Variants in VPS26B observed in about 807,000 individuals in gnomAD.
The protein encoded by VPS26B is vacuolar protein sorting-associated protein 26B.
VPS26B carries 10 observed loss-of-function variants against 33.3 expected under a neutral mutation model. That is an observed-to-expected ratio of 0.30 (90% CI 0.19 to 0.51). The LOEUF is 0.51. Ranked by LOEUF, VPS26B falls within the 20% of genes least tolerant of loss-of-function variation. The pLI, the probability that VPS26B is intolerant of heterozygous loss-of-function variation, is 0.98. For missense variants in VPS26B, 317 were observed against 452.7 expected, an observed-to-expected ratio of 0.70 and a Z score of 2.72; for synonymous variants, 190 against 176.9, an observed-to-expected ratio of 1.07 and a Z score of -0.59.
chr11:134,226,063 G>A (rs1938461384), intron 1 of VPS26B, among the ~76,000 whole-genome samples: 1 of 152,180 alleles, frequency 6.6e-6, no homozygotes, highest in Non-Finnish European at 1.5e-5. Context: ...CCACAATTAA[G>A]TGATCAGAGT....
chr11:134,246,613 G>A lies in VPS26B; in HGVS notation c.*1023G>A, dbSNP rs1380666130. The A allele has an allele frequency of 6.6e-6, 1 of 152,286 alleles. No individual in the cohort carries two copies. Among genetic ancestry groups the A allele is most frequent in the Non-Finnish European group, 1.5e-5 (1 of 68,026 alleles). 9.4% of individuals were successfully genotyped at this position (152,286 alleles called of 1,614,324 possible). On this transcript the variant is annotated 3_prime_UTR_variant, in exon 6 of 6. Coordinates refer to ENST00000281187, the MANE Select transcript of VPS26B (RefSeq NM_052875.5). ...AGCCCCTTTACCCCTCTCCCTATAG[G>A]TTACACAGGGGAGACCAGGGCCTCG... is the stretch of plus-strand genomic sequence containing the variant.
At position 134,247,650 on chromosome 11, in the gene VPS26B, A is replaced by G. The variant is rs1294652129; in HGVS notation, c.*2060A>G. 8 of 153,126 alleles carry G rather than the reference A, an allele frequency of 5.2e-5. No individual in the cohort carries two copies. The allele number at this position is 153,126 out of a possible 1,614,324, so 9.5% of individuals were successfully genotyped here. On this transcript the variant is annotated 3_prime_UTR_variant, in exon 6 of 6. Transcript: ENST00000281187. ...ACTAAATCAAGCAGTGCAACTTGTAATTAAGCAGCTGCAGTGTTTACATGT... is the reference window on the plus strand; with the variant it reads ...ACTAAATCAAGCAGTGCAACTTGTAGTTAAGCAGCTGCAGTGTTTACATGT...
intron 1 of VPS26B, among the ~76,000 whole-genome samples, chr11:134,231,755 G>T (rs1009866734): frequency 1.3e-5 from 2 of 152,172 alleles, no homozygotes; most frequent in Admixed American, 1.3e-4. Flanking sequence ...AGTAGTGACA[G>T]GGTTTCACCG....
At position 134,245,304 on chromosome 11, in the gene VPS26B, T is replaced by A; in HGVS notation, c.865-140T>A. 1 of 1,357,846 alleles carries A rather than the reference T, an allele frequency of 7.4e-7. No individual in the cohort carries two copies. The highest frequency in any genetic ancestry group is 1.0e-6 in the Non-Finnish European group (1 of 998,096). The allele number at this position is 1,357,846 out of a possible 1,614,324, so 84.1% of individuals were successfully genotyped here. A position where few individuals can be genotyped will look rare whatever the true frequency, so the allele number is the denominator to read the frequency against. On this transcript the variant is annotated intron_variant, in intron 5 of 5. Transcript: ENST00000281187. This position sits in a 1 kb window ranked among gnomAD's most constrained non-coding sequence, Gnocchi z 4.7. ...GCCCACACCAGGGACAGGGAGGTGCTGGCAGCTGCTGCCTTTGGTGAGAGA... is the reference window on the plus strand; with the variant it reads ...GCCCACACCAGGGACAGGGAGGTGCAGGCAGCTGCTGCCTTTGGTGAGAGA...
rs1938783283 is a variant in VPS26B, at chr11:134,244,675, A to G, written c.722-263A>G. 1 of 409,790 alleles carries G rather than the reference A, an allele frequency of 2.4e-6. No homozygotes were observed. Among genetic ancestry groups the G allele is most frequent in the Admixed American group, 4.1e-5 (1 of 24,182 alleles). The allele number at this position is 409,790 out of a possible 1,614,324, so 25.4% of individuals were successfully genotyped here. ...CATGTAATCAAAAGATGCTTATACT[A>G]ATAATGACCTGTGCTGTTCCCACTC... On this transcript the variant is annotated intron_variant, in intron 4 of 5. Transcript: ENST00000281187. The surrounding 1 kb of genome is among the most constrained non-coding windows in gnomAD (Gnocchi z 4.0).
At position 134,225,159 on chromosome 11, in the gene VPS26B, GAA is replaced by G; in HGVS notation, c.39_40del (p.Glu13AspfsTer9). On this transcript the variant is annotated frameshift_variant, in exon 1 of 6. Transcript: ENST00000281187. LOFTEE classifies it high-confidence loss of function. ...FFGFGQSVEV[E>X]ILLNDAESRK... ...CGGCTTCGGGCAGAGCGTGGAGGTG[GAA>G]ATCCTTCTGAACGATGCAGAGAGTA... is the stretch of plus-strand genomic sequence containing the variant. 1 of 1,613,570 alleles carries G rather than the reference GAA, an allele frequency of 6.2e-7. No individual in the cohort carries two copies. The highest frequency in any genetic ancestry group is 8.5e-7 in the Non-Finnish European group (1 of 1,179,578).
chr11:134,239,734 G>A (rs930082140), intron 2 of VPS26B: 7 of 480,314 alleles, frequency 1.5e-5, no homozygotes, highest in Admixed American at 1.0e-4. Context: ...TTCTTGACCC[G>A]GGGGCATGGG....
chr11:134,234,447 T>C (rs1207710682), intron 1 of VPS26B, among the ~76,000 whole-genome samples: 3 of 152,256 alleles, frequency 2.0e-5, no homozygotes, highest in Non-Finnish European at 4.4e-5. Flanking sequence ...TTAAGCATGC[T>C]GTGCCTGGGT....
intron 1 of VPS26B, among the ~76,000 whole-genome samples, chr11:134,226,988 T>G (rs1190936965): frequency 6.6e-6 from 1 of 152,206 alleles, no homozygotes; most frequent in Non-Finnish European, 1.5e-5. Flanking sequence ...GTTCCATGCC[T>G]TCTGCTTTCC....
rs1327205788 is a variant in VPS26B at position 134,247,330 on chromosome 11, C to G, written c.*1740C>G. On this transcript the variant is annotated 3_prime_UTR_variant, in exon 6 of 6. Transcript: ENST00000281187. ...CCTTTTCAGAGCATGAGGTCAGGCT[C>G]TGTATCCCTCCTTTTCCTAGCTGAT... The G allele has an allele frequency of 6.6e-6, 1 of 152,188 alleles. No homozygotes were observed. Among genetic ancestry groups the G allele is most frequent in the African/African-American group, 2.4e-5 (1 of 41,440 alleles). The allele number at this position is 152,188 out of a possible 1,614,324, so 9.4% of individuals were successfully genotyped here. A position where few individuals can be genotyped will look rare whatever the true frequency, so the allele number is the denominator to read the frequency against.
Position 134,244,836 on chromosome 11 carries a change from G to A in VPS26B, c.722-102G>A. The A allele has an allele frequency of 6.9e-7, 1 of 1,449,722 alleles. No individual in the cohort carries two copies. 89.8% of individuals were successfully genotyped at this position (1,449,722 alleles called of 1,614,324 possible). A position where few individuals can be genotyped will look rare whatever the true frequency, so the allele number is the denominator to read the frequency against. ...CTTCCCAGAAGGCTGAAGTGCTCGT[G>A]TGCTGCACTCCAGTGGCATCTCTGC... On this transcript the variant is annotated intron_variant, in intron 4 of 5. Transcript: ENST00000281187. The surrounding 1 kb of genome is among the most constrained non-coding windows in gnomAD (Gnocchi z 4.0).
chr11:134,235,060 G>A lies in VPS26B; in HGVS notation c.380+7G>A, dbSNP rs774291226. On this transcript the variant is annotated splice_region_variant and intron_variant, in intron 2 of 5. Coordinates refer to ENST00000281187, the MANE Select transcript of VPS26B (RefSeq NM_052875.5). Reference sequence around the variant, plus strand: ...GGCAGAATGTGAAGCTACGGTAAGTGATGTCTGCTGGTTCCCCACTGTACC... The same window carrying A: ...GGCAGAATGTGAAGCTACGGTAAGTAATGTCTGCTGGTTCCCCACTGTACC... 2 of 1,612,874 alleles carry A rather than the reference G, an allele frequency of 1.2e-6. No homozygotes were observed. Among genetic ancestry groups the A allele is most frequent in the South Asian group, 1.1e-5 (1 of 90,876 alleles).
intron 2 of VPS26B, among the ~76,000 whole-genome samples, chr11:134,238,064 G>C (rs1399506746): frequency 6.6e-6 from 1 of 152,164 alleles, no homozygotes; most frequent in East Asian, 1.9e-4. Flanking sequence ...CCAGATGCCG[G>C]ACCAAGGCTT....
chr11:134,232,120 G>C lies in VPS26B; in HGVS notation c.224-2777G>C, dbSNP rs534004739. Among the ~76,000 whole-genome samples, 23 of 150,128 alleles carry C rather than the reference G, an allele frequency of 1.5e-4. 1 individual carries two copies. Among genetic ancestry groups the C allele is most frequent in the Admixed American group, 1.3e-3 (20 of 14,968 alleles). ...TGAGAAGGAAACCAAAGACAGGATA[G>C]TTACCTTAACCAAAAACTTACTCAG... On this transcript the variant is annotated intron_variant, in intron 1 of 5. Transcript: ENST00000281187.
rs748798362 is a variant in VPS26B at position 134,232,943 on chromosome 11, C to G, written c.224-1954C>G. Among the ~76,000 whole-genome samples, 148 of 152,200 alleles carry G rather than the reference C, an allele frequency of 9.7e-4. 3 individuals carry two copies. Among genetic ancestry groups the G allele is most frequent in the Admixed American group, 2.0e-4 (3 of 15,280 alleles). On this transcript the variant is annotated intron_variant, in intron 1 of 5. Coordinates refer to ENST00000281187, the MANE Select transcript of VPS26B (RefSeq NM_052875.5). ...CCCGGGGCTGGCCGCGGCTCCGCTT[C>G]TGCCTGTCATATACTTCTGACTTTT...
intron 1 of VPS26B, among the ~76,000 whole-genome samples, chr11:134,231,604 G>A (rs1036618034): frequency 5.3e-5 from 8 of 150,848 alleles, no homozygotes; most frequent in Admixed American, 2.0e-4. Context: ...TTGCTCTGTC[G>A]CCCAGGATAG....
intron 1 of VPS26B, 78 bp from the exon 2 acceptor site, chr11:134,234,819 C>T: frequency 1.3e-6 from 2 of 1,546,142 alleles, no homozygotes; most frequent in Middle Eastern, 1.8e-4. Flanking sequence ...CTCCAGCCTA[C>T]AGCCTCCAGC....
intron 2 of VPS26B, among the ~76,000 whole-genome samples, chr11:134,239,111 G>T (rs1938679937): frequency 6.6e-6 from 1 of 152,148 alleles, no homozygotes; most frequent in South Asian, 2.1e-4. Flanking sequence ...ACAGAGGGCA[G>T]CTTGTTAAAC....
At chr11:134,243,409 A>G in intron 4 of VPS26B, 115 bp downstream of exon 4, 1 of 1,260,390 alleles carries the variant, frequency 7.9e-7, no homozygotes, top group South Asian at 1.5e-5. Context: ...CTTAACCTGT[A>G]ACTTCTTAAT....
Sources: gnomAD v4.1 joint callset for allele counts (sites outside exome capture counted in the v4.1 genomes callset) on GRCh38, gnomAD v4.1.1 for gene constraint, Gnocchi (gnomAD v3.1) non-coding constraint, MANE v1.5 for transcripts, NCBI Gene and HGNC (gene_info 2026-07-23, HGNC 2026-07-21) for gene names.